The following TMEM50B variants were observed in gnomAD, a reference collection of about 807,000 sequenced individuals.
TMEM50B encodes the protein HCV p7-trans-regulated protein 3.
In TMEM50B, 14 loss-of-function variants were observed where a neutral mutation model predicts 23.4. The ratio of observed to expected loss-of-function variants is 0.60; its 90% CI spans 0.39 to 0.93. The LOEUF (loss-of-function observed/expected upper bound fraction) is 0.93, where lower values mean the gene tolerates loss of function less well. TMEM50B is among the 40% of genes least tolerant of loss of function. The pLI, the probability that TMEM50B is intolerant of heterozygous loss-of-function variation, is 0.00. For missense variants in TMEM50B, 159 were observed against 193.0 expected, an observed-to-expected ratio of 0.82 and a Z score of 1.04; for synonymous variants, 64 against 62.3, an observed-to-expected ratio of 1.03 and a Z score of -0.13.
chr21:33,472,647 C>A (rs1002000364), intron 1 of TMEM50B, among the ~76,000 whole-genome samples: 3 of 151,940 alleles, frequency 2.0e-5, no homozygotes, highest in African/African-American at 7.2e-5. Context: ...GAGGCTGAGG[C>A]GGGTGGATCA....
chr21:33,476,018 C>A (rs1398509027), intron 1 of TMEM50B, among the ~76,000 whole-genome samples: 2 of 152,202 alleles, frequency 1.3e-5, no homozygotes, highest in Non-Finnish European at 2.9e-5. Flanking sequence ...AAGGTCAACA[C>A]CACTTCGTGG....
chr21:33,437,048 C>G, intron 8 of TMEM50B: 4 of 1,423,208 alleles, frequency 2.8e-6, no homozygotes, highest in Non-Finnish European at 3.0e-6. Flanking sequence ...TTTCCAGAGA[C>G]CAGTATTCCC....
chr21:33,439,978 G>A (rs945548545), intron 7 of TMEM50B, among the ~76,000 whole-genome samples: 75 of 151,924 alleles, frequency 4.9e-4, no homozygotes, highest in African/African-American at 1.8e-3. Flanking sequence ...CCCGAGAAGC[G>A]GAGGTTGCAG....
intron 8 of TMEM50B, among the ~76,000 whole-genome samples, chr21:33,435,451 C>T (rs2083936417): frequency 6.6e-6 from 1 of 152,064 alleles, no homozygotes; most frequent in African/African-American, 2.4e-5. Context: ...GCTTTTCTTC[C>T]AATCAGAAAA....
At chr21:33,442,094 C>T (rs1050600737) in intron 7 of TMEM50B, among the ~76,000 whole-genome samples, 7 of 152,122 alleles carry the variant, frequency 4.6e-5, no homozygotes, top group Admixed American at 1.3e-4. Flanking sequence ...ATCTCTGAGG[C>T]GCCCAGAGCC....
At chr21:33,432,811 T>C (rs1004955573) in intron 8 of TMEM50B, 2 of 1,613,888 alleles carry the variant, frequency 1.2e-6, no homozygotes, top group Non-Finnish European at 8.5e-7. Context: ...TCCTGAAATA[T>C]AGAGGCCTGA....
intron 1 of TMEM50B, among the ~76,000 whole-genome samples, chr21:33,472,720 T>C (rs538784886): frequency 2.6e-5 from 4 of 151,704 alleles, no homozygotes; most frequent in South Asian, 4.2e-4. Flanking sequence ...CTACTAAAAA[T>C]ACAAAACTGG....
chr21:33,432,489 G>A, exon 9 of TMEM50B: 1 of 891,958 alleles, frequency 1.1e-6, no homozygotes, highest in Non-Finnish European at 1.8e-6. Flanking sequence ...CTTGTGCTGA[G>A]ATTTGCAGTA....
chr21:33,453,370 G>A (rs1223849026), intron 6 of TMEM50B, among the ~76,000 whole-genome samples: 1 of 151,972 alleles, frequency 6.6e-6, no homozygotes, highest in African/African-American at 2.4e-5. Flanking sequence ...GATTACAGGT[G>A]TGAGCCACCA....
At chr21:33,475,417 G>C (rs1183648210) in intron 1 of TMEM50B, among the ~76,000 whole-genome samples, 1 of 151,964 alleles carries the variant, frequency 6.6e-6, no homozygotes, top group Non-Finnish European at 1.5e-5. Flanking sequence ...GCACGATCTT[G>C]GCTCACTGTA....
At chr21:33,436,023 T>C (rs1235440109) in intron 8 of TMEM50B, among the ~76,000 whole-genome samples, 1 of 152,036 alleles carries the variant, frequency 6.6e-6, no homozygotes, top group Non-Finnish European at 1.5e-5. Context: ...ATCGCGCCAC[T>C]GCACTCCAGC....
At chr21:33,434,159 C>T (rs1416530388) in intron 8 of TMEM50B, among the ~76,000 whole-genome samples, 1 of 152,154 alleles carries the variant, frequency 6.6e-6, no homozygotes, top group Non-Finnish European at 1.5e-5. Context: ...TCTGTGAGGC[C>T]ATTGGGCCTT....
intron 8 of TMEM50B, chr21:33,436,764 G>A: frequency 7.6e-7 from 1 of 1,310,142 alleles, no homozygotes; most frequent in Non-Finnish European, 1.1e-6. Flanking sequence ...AAAAACTAAA[G>A]TTAAAAGGTC....
At chr21:33,477,683 G>T (rs1432883679) in intron 1 of TMEM50B, among the ~76,000 whole-genome samples, 3 of 151,090 alleles carry the variant, frequency 2.0e-5, no homozygotes, top group Non-Finnish European at 2.9e-5. Context: ...GGCGGCGGGC[G>T]CCTGTAATCC....
At chr21:33,478,856 C>A (rs1305060621) in intron 1 of TMEM50B, 2 of 470,814 alleles carry the variant, frequency 4.2e-6, no homozygotes, top group Non-Finnish European at 8.8e-6. Flanking sequence ...AGTTCAGAGC[C>A]TCTGAAGTGT....
chr21:33,454,269 G>T (rs2084148906), intron 6 of TMEM50B, among the ~76,000 whole-genome samples: 1 of 151,898 alleles, frequency 6.6e-6, no homozygotes, highest in Non-Finnish European at 1.5e-5. Flanking sequence ...TTCCCAACAG[G>T]TTTTGTATAT....
At chr21:33,447,076 G>C (rs1307617301), downstream of TMEM50B, 1 of 150,170 alleles carries the variant, frequency 6.7e-6, no homozygotes, top group Admixed American at 6.7e-5. Context: ...CTGGGAGACA[G>C]AGGTTGCAGT....
intron 8 of TMEM50B, among the ~76,000 whole-genome samples, chr21:33,438,769 G>A (rs373375729): frequency 3.3e-5 from 5 of 151,146 alleles, no homozygotes; most frequent in South Asian, 2.1e-4. Context: ...TCACTCTGTC[G>A]CCCAGGCTGG....
At chr21:33,454,851 T>C (rs1568977735) in intron 6 of TMEM50B, among the ~76,000 whole-genome samples, 2 of 152,098 alleles carry the variant, frequency 1.3e-5, no homozygotes, top group Non-Finnish European at 2.9e-5. Flanking sequence ...ACACTGGGTG[T>C]GGTGGCTATA....
Sources: gnomAD v4.1 joint callset for allele counts (sites outside exome capture counted in the v4.1 genomes callset) on GRCh38, gnomAD v4.1.1 for gene constraint, MANE v1.5 for transcripts, NCBI Gene and HGNC (gene_info 2026-07-23, HGNC 2026-07-21) for gene names.